Variants in KCNH7 observed in about 807,000 individuals in gnomAD.
KCNH7 encodes potassium voltage-gated channel subfamily H member 7.
In KCNH7, 49 loss-of-function variants were observed where a neutral mutation model predicts 120.8. The observed-to-expected ratio is 0.41, with a 90% CI of 0.32 to 0.51. The LOEUF is 0.51. KCNH7 is among the 20% of genes least tolerant of loss of function. KCNH7 has a pLI of 0.38. For synonymous variants in KCNH7, 547 were observed against 516.1 expected, an observed-to-expected ratio of 1.06 and a Z score of -0.81; for missense variants, 1,097 against 1,446.6, an observed-to-expected ratio of 0.76 and a Z score of 3.92.
chr2:162,570,910 G>C lies in KCNH7; in HGVS notation c.308-33830C>G, dbSNP rs562669418. On this transcript the variant is annotated intron_variant, in intron 2 of 15. Coordinates refer to ENST00000332142, the MANE Select transcript of KCNH7 (RefSeq NM_033272.4). ...GGGCCGTATTTCAAAATAATAAGAG[G>C]TATCTATGACAAACCCACAGCCAAT... Among the ~76,000 whole-genome samples, 618 of 151,982 alleles carry C rather than the reference G, an allele frequency of 4.1e-3. 2 individuals carry two copies. The highest frequency in any genetic ancestry group is 0.014 in the African/African-American group (584 of 41,472).
At chr2:162,686,698 G>A (rs997629173) in intron 2 of KCNH7, among the ~76,000 whole-genome samples, 1 of 152,078 alleles carries the variant, frequency 6.6e-6, no homozygotes, top group Admixed American at 6.6e-5. Flanking sequence ...AATCCTTTCT[G>A]TAATTGTGTA....
At chr2:162,544,235 T>C (rs143637341) in intron 2 of KCNH7, among the ~76,000 whole-genome samples, 12 of 152,160 alleles carry the variant, frequency 7.9e-5, no homozygotes, top group African/African-American at 2.4e-4. Context: ...AGAACTTAGC[T>C]TCTTTCAGCA....
chr2:162,674,830 A>G (rs1232482396), intron 2 of KCNH7, among the ~76,000 whole-genome samples: 1 of 151,668 alleles, frequency 6.6e-6, no homozygotes, highest in African/African-American at 2.4e-5. Context: ...AAGATCACAC[A>G]TGAAAGGCAA....
At chr2:162,789,818 A>C (rs991858799) in intron 2 of KCNH7, among the ~76,000 whole-genome samples, 9 of 152,030 alleles carry the variant, frequency 5.9e-5, no homozygotes, top group African/African-American at 2.2e-4. Context: ...GAAACACAAC[A>C]TATCAAATCT....
At chr2:162,452,958 T>A (rs920748397) in intron 6 of KCNH7, among the ~76,000 whole-genome samples, 2 of 152,064 alleles carry the variant, frequency 1.3e-5, no homozygotes, top group African/African-American at 4.8e-5. Flanking sequence ...CATTTTTATT[T>A]CACTTTAAGT....
At chr2:162,670,801 A>G (rs1685324892) in intron 2 of KCNH7, among the ~76,000 whole-genome samples, 1 of 152,142 alleles carries the variant, frequency 6.6e-6, no homozygotes, top group African/African-American at 2.4e-5. Flanking sequence ...GAAAAAATCA[A>G]AAGCATAAAA....
Position 162,838,583 on chromosome 2 carries a change from G to C in KCNH7, c.-65C>G, listed in dbSNP as rs886131855. On this transcript the variant is annotated 5_prime_UTR_variant, in exon 1 of 16. Coordinates refer to ENST00000332142, the MANE Select transcript of KCNH7 (RefSeq NM_033272.4). ...TGGAGTTCTCCCGGGATCTCTCCTC[G>C]GCTAGAGCCCAGGCCAGCGCGCGAG... The C allele has an allele frequency of 5.1e-6, 7 of 1,363,824 alleles. No homozygotes were observed. Among genetic ancestry groups the C allele is most frequent in the African/African-American group, 1.4e-5 (1 of 69,968 alleles). The allele number at this position is 1,363,824 out of a possible 1,614,324, so 84.5% of individuals were successfully genotyped here. A position where few individuals can be genotyped will look rare whatever the true frequency, so the allele number is the denominator to read the frequency against.
At chr2:162,671,995 C>T (rs964888337) in intron 2 of KCNH7, among the ~76,000 whole-genome samples, 10 of 151,674 alleles carry the variant, frequency 6.6e-5, no homozygotes, top group Non-Finnish European at 7.4e-5. Flanking sequence ...TGAAGTATAA[C>T]GAAAAAATTA....
chr2:162,825,512 T>A, intron 2 of KCNH7, among the ~76,000 whole-genome samples: 1 of 152,026 alleles, frequency 6.6e-6, no homozygotes, highest in East Asian at 1.9e-4. Context: ...GCTGTTATAA[T>A]TTGACAAGAG....
intron 2 of KCNH7, among the ~76,000 whole-genome samples, chr2:162,722,685 T>C (rs906433079): frequency 6.6e-6 from 1 of 152,094 alleles, no homozygotes; most frequent in Non-Finnish European, 1.5e-5. Flanking sequence ...TTTGAATAAG[T>C]TTTTGGCCCT....
At chr2:162,808,794 G>A (rs1013622313) in intron 2 of KCNH7, among the ~76,000 whole-genome samples, 1 of 151,830 alleles carries the variant, frequency 6.6e-6, no homozygotes, top group Non-Finnish European at 1.5e-5. Flanking sequence ...AGAAATTTTG[G>A]AATTAGTTTT....
At chr2:162,800,321 T>G (rs921195415) in intron 2 of KCNH7, among the ~76,000 whole-genome samples, 4 of 151,822 alleles carry the variant, frequency 2.6e-5, no homozygotes, top group Non-Finnish European at 5.9e-5. Flanking sequence ...AAAAGAAAGC[T>G]TTTCTTTTTC....
chr2:162,655,654 G>A (rs983256448), intron 2 of KCNH7, among the ~76,000 whole-genome samples: 5 of 152,032 alleles, frequency 3.3e-5, no homozygotes, highest in African/African-American at 4.8e-5. Flanking sequence ...TTAGCTGGGC[G>A]TGGTGGCGCG....
chr2:162,607,296 A>G (rs1207220106), intron 2 of KCNH7, among the ~76,000 whole-genome samples: 1 of 151,478 alleles, frequency 6.6e-6, no homozygotes, highest in African/African-American at 2.4e-5. Context: ...AGGCTGAGGC[A>G]GGAGAATTGC....
At chr2:162,580,918 G>A (rs899445389) in intron 2 of KCNH7, among the ~76,000 whole-genome samples, 1 of 152,064 alleles carries the variant, frequency 6.6e-6, no homozygotes, top group Non-Finnish European at 1.5e-5. Context: ...GGGTGATATA[G>A]AGAAAGGAGT....
intron 2 of KCNH7, among the ~76,000 whole-genome samples, chr2:162,627,925 T>C (rs1391019036): frequency 6.6e-6 from 1 of 152,136 alleles, no homozygotes; most frequent in Non-Finnish European, 1.5e-5. Flanking sequence ...AATTATTGAC[T>C]ATAAAATTTA....
intron 8 of KCNH7, among the ~76,000 whole-genome samples, chr2:162,432,166 C>A (rs753034110): frequency 2.6e-5 from 4 of 151,930 alleles, no homozygotes; most frequent in Non-Finnish European, 5.9e-5. Context: ...AAGCAGATGA[C>A]CCCTATAAAG....
intron 2 of KCNH7, among the ~76,000 whole-genome samples, chr2:162,793,260 C>A (rs933919831): frequency 6.6e-6 from 1 of 151,866 alleles, no homozygotes; most frequent in Non-Finnish European, 1.5e-5. Flanking sequence ...AACACATGGA[C>A]ACCTAGAGGG....
intron 7 of KCNH7, among the ~76,000 whole-genome samples, chr2:162,437,283 A>G (rs758637045): frequency 2.0e-4 from 30 of 152,264 alleles, no homozygotes; most frequent in Non-Finnish European, 3.8e-4. Flanking sequence ...TGTATTTATC[A>G]TAACTAGACT....
Sources: gnomAD v4.1 joint callset for allele counts (sites outside exome capture counted in the v4.1 genomes callset) on GRCh38, gnomAD v4.1.1 for gene constraint, MANE v1.5 for transcripts, NCBI Gene and HGNC (gene_info 2026-07-23, HGNC 2026-07-21) for gene names.